The following FAAP100 variants were observed in gnomAD, a reference collection of about 807,000 sequenced individuals.
The protein encoded by FAAP100 is FA core complex associated protein 100.
In FAAP100, 46 loss-of-function variants were observed where a neutral mutation model predicts 65.8. The observed-to-expected ratio is 0.70, with a 90% CI of 0.55 to 0.89. FAAP100 has a LOEUF of 0.89. FAAP100 is among the 40% of genes least tolerant of loss of function. The pLI, the probability that FAAP100 is intolerant of heterozygous loss-of-function variation, is 0.00. For missense variants in FAAP100, 1,165 were observed against 1,196.7 expected, an observed-to-expected ratio of 0.97 and a Z score of 0.39; for synonymous variants, 663 against 555.1, an observed-to-expected ratio of 1.19 and a Z score of -2.73.
intron 3 of FAAP100, 138 bp from the exon 4 acceptor site, chr17:81,549,500 C>G: frequency 8.8e-7 from 1 of 1,138,036 alleles, no homozygotes; most frequent in Non-Finnish European, 1.2e-6. Flanking sequence ...GAGAAAGTCC[C>G]AAGGCAAATG....
chr17:81,550,378 A>G lies in FAAP100; in HGVS notation c.1116T>C (p.Ser372=). 6.2e-7 allele frequency: 1 copy of G among 1,612,678 alleles called. No individual in the cohort carries two copies. Among genetic ancestry groups the G allele is most frequent in the East Asian group, 2.2e-5 (1 of 44,870 alleles). ...CAGGGCCCAGCGGGGTGCTTCCCCG[A>G]GACAGATCCACCACACAGAGGTCAG... ...TPSDLCVVDL[S]RGSTPLGPEQ... The change falls in exon 3 of 9, where the codon TCT becomes TCC. Residue 372 remains serine (S), a synonymous_variant. Transcript: ENST00000327787.
At chr17:81,545,631 G>A (rs2033271207) in intron 6 of FAAP100, 115 bp downstream of exon 6, 2 of 1,367,688 alleles carry the variant, frequency 1.5e-6, no homozygotes, top group Non-Finnish European at 2.0e-6. Flanking sequence ...CGGGAAGCTT[G>A]GGAAAAGGCT....
At position 81,547,656 on chromosome 17, in the gene FAAP100, C is replaced by A; in HGVS notation, c.1426G>T (p.Val476Phe). The A allele has an allele frequency of 6.2e-7, 1 of 1,610,718 alleles. No homozygotes were observed. The highest frequency in any genetic ancestry group is 2.2e-5 in the East Asian group (1 of 44,818). ...SERVSFLKKA[V>F]DQRNKALTSL... ...GTCAGTGCCTTGTTCCGCTGGTCAACCGCCTTCTTTAGAAAAGACACTCTG... is the reference window on the plus strand; with the variant it reads ...GTCAGTGCCTTGTTCCGCTGGTCAAACGCCTTCTTTAGAAAAGACACTCTG... The change falls in exon 5 of 9, where the codon GTT becomes TTT. Residue 476 changes from valine (V) to phenylalanine (F), a missense_variant. By Grantham distance (50) the Val-to-Phe change is conservative. Transcript: ENST00000327787.
At position 81,547,495 on chromosome 17, in the gene FAAP100, T is replaced by C. The variant is rs1265390223; in HGVS notation, c.1587A>G (p.Leu529=). Residue 529 remains leucine (L), a synonymous_variant, in exon 5 of 9, where the codon CTA becomes CTG. Transcript: ENST00000327787. The stretch of plus-strand genomic sequence containing the variant: ...CCAGGCTGAAGCTGCTGCTGTTCTC[T>C]AGCACGCAGGTGGCCATGAGCACAT... ...TQDVLMATCV[L]ENSSSFSLDQ... is the part of the protein sequence containing the mutation. The C allele has an allele frequency of 1.2e-5, 19 of 1,613,254 alleles. No homozygotes were observed. The highest frequency in any genetic ancestry group is 1.6e-5 in the Non-Finnish European group (19 of 1,180,008).
Position 81,544,078 on chromosome 17 carries a change from C to T in FAAP100, c.2353G>A (p.Val785Met), listed in dbSNP as rs775175481. 1.1e-5 allele frequency: 17 copies of T among 1,612,540 alleles called. No homozygotes were observed. The highest frequency in any genetic ancestry group is 5.3e-5 in the African/African-American group (4 of 74,938). ...GAGGAGCTTTCCACTTGAATCTCCACGGCCTGGATGGGCCCTGCTGGGCAC... is the reference window on the plus strand; with the variant it reads ...GAGGAGCTTTCCACTTGAATCTCCATGGCCTGGATGGGCCCTGCTGGGCAC... The part of the protein sequence containing the change: ...DLCPAGPIQA[V>M]EIQVESSSLA... Residue 785 changes from valine to methionine, a missense_variant, in exon 7 of 9, where the codon GTG (valine) becomes ATG (methionine). Physicochemically the swap from Val to Met is conservative, Grantham distance 21 (BLOSUM62 1). Coordinates refer to ENST00000327787, the MANE Select transcript of FAAP100 (RefSeq NM_025161.6).
intron 6 of FAAP100, among the ~76,000 whole-genome samples, chr17:81,544,595 G>A (rs931159052): frequency 3.3e-5 from 5 of 152,216 alleles, no homozygotes; most frequent in Admixed American, 3.3e-4. Flanking sequence ...CCTATCTATG[G>A]GACACCCACC....
chr17:81,542,813 C>T (rs1299938304), intron 7 of FAAP100, among the ~76,000 whole-genome samples: 1 of 152,244 alleles, frequency 6.6e-6, no homozygotes, highest in Non-Finnish European at 1.5e-5. Flanking sequence ...AAAGGGATAT[C>T]TGGACACAAA....
At position 81,540,657 on chromosome 17, in the gene FAAP100, C is replaced by A. The variant is rs1398211729; in HGVS notation, c.*162G>T. 1 of 970,164 alleles carries A rather than the reference C, an allele frequency of 1.0e-6. No homozygotes were observed. Among genetic ancestry groups the A allele is most frequent in the South Asian group, 2.4e-5 (1 of 42,232 alleles). The allele number at this position is 970,164 out of a possible 1,614,324, so 60.1% of individuals were successfully genotyped here. The stretch of plus-strand genomic sequence containing the variant: ...TCAGAATCTGCTTTGTGCTCCACGG[C>A]CTCCAAGCACTTTCATGAGCGTTCT... On this transcript the variant is annotated 3_prime_UTR_variant, in exon 9 of 9. Transcript: ENST00000327787.
At chr17:81,542,044 G>A (rs1295850225) in intron 7 of FAAP100, among the ~76,000 whole-genome samples, 1 of 149,512 alleles carries the variant, frequency 6.7e-6, no homozygotes, top group Admixed American at 6.6e-5. Context: ...GCGGGCGCCT[G>A]TAGTCCCAGC....
chr17:81,548,957 G>T (rs565061611), intron 4 of FAAP100, among the ~76,000 whole-genome samples: 1 of 145,044 alleles, frequency 6.9e-6, no homozygotes, highest in South Asian at 2.2e-4. Context: ...GAAGAATGGC[G>T]TGAACCCGGG....
chr17:81,543,356 G>A (rs530237299), intron 7 of FAAP100, among the ~76,000 whole-genome samples: 17 of 152,296 alleles, frequency 1.1e-4, no homozygotes, highest in East Asian at 3.9e-4. Context: ...TTCTAGGGTC[G>A]CTGCAGACCC....
In FAAP100 at chr17:81,547,694, A is replaced by G. The variant is rs1195834556; in HGVS notation, c.1404-16T>C. ...AAAAGACACTCTGCGAAGGACAGACATGACCCCCGGGAGCGGGGGGACACC... is the reference window on the plus strand; with the variant it reads ...AAAAGACACTCTGCGAAGGACAGACGTGACCCCCGGGAGCGGGGGGACACC... On this transcript the variant is annotated splice_polypyrimidine_tract_variant and intron_variant, in intron 4 of 8. Transcript: ENST00000327787. 1.2e-6 allele frequency: 2 copies of G among 1,606,864 alleles called. No individual in the cohort carries two copies. Among genetic ancestry groups the G allele is most frequent in the African/African-American group, 1.3e-5 (1 of 74,856 alleles).
intron 7 of FAAP100, 27 bp from the exon 8 acceptor site, chr17:81,541,422 G>A (rs1261808455): frequency 6.4e-7 from 1 of 1,571,114 alleles, no homozygotes; most frequent in Non-Finnish European, 8.7e-7. Context: ...ACATGCTGGA[G>A]AGGGTGTGCC....
At chr17:81,552,572 C>G (rs1302649228), upstream of FAAP100, among the ~76,000 whole-genome samples, 1 of 152,168 alleles carries the variant, frequency 6.6e-6, no homozygotes. Context: ...CGAGGTTGAC[C>G]CGGCCGGGCT....
chr17:81,540,928 G>A lies in FAAP100; in HGVS notation c.2537C>T (p.Thr846Ile), dbSNP rs1364090516. 6.3e-7 allele frequency: 1 copy of A among 1,590,458 alleles called. No individual in the cohort carries two copies. The highest frequency in any genetic ancestry group is 8.5e-7 in the Non-Finnish European group (1 of 1,172,200). The change falls in exon 9 of 9, where the codon ACC (threonine) becomes ATC (isoleucine). Residue 846 changes from threonine (T) to isoleucine (I), a missense_variant. Thr to Ile is a moderately conservative substitution (Grantham distance 89). Coordinates refer to ENST00000327787, the MANE Select transcript of FAAP100 (RefSeq NM_025161.6). ...CTCCGTGCAGAGCCGGTCGCGCAGG[G>A]TCTGCACCTCCCGCAGCAGTGTCTG... ...NHETLLREVQTLRDRLCTEDE... is the reference protein window; with the variant it reads ...NHETLLREVQILRDRLCTEDE...
intron 7 of FAAP100, 130 bp downstream of exon 7, chr17:81,543,874 G>C (rs907790116): frequency 1.2e-6 from 1 of 831,968 alleles, no homozygotes; most frequent in Non-Finnish European, 1.9e-6. Flanking sequence ...CGGCAGAGCA[G>C]ACTTGGATCT....
chr17:81,547,777 C>A (rs765869314), intron 4 of FAAP100, 99 bp from the exon 5 acceptor site: 1 of 1,413,416 alleles, frequency 7.1e-7, no homozygotes, highest in East Asian at 2.3e-5. Context: ...CCTGGCTCCA[C>A]GACAAGCACA....
intron 8 of FAAP100, 115 bp from the exon 9 acceptor site, chr17:81,541,065 G>A (rs1426045012): frequency 9.7e-6 from 13 of 1,335,138 alleles, no homozygotes; most frequent in African/African-American, 2.9e-5. Context: ...CAGGTGGTCC[G>A]AGGAAGAACA....
At chr17:81,541,061 G>A in intron 8 of FAAP100, 111 bp from the exon 9 acceptor site, 2 of 1,357,388 alleles carry the variant, frequency 1.5e-6, no homozygotes, top group Non-Finnish European at 9.8e-7. Flanking sequence ...GTGGCAGGTG[G>A]TCCGAGGAAG....
Sources: gnomAD v4.1 joint callset for allele counts (sites outside exome capture counted in the v4.1 genomes callset) on GRCh38, gnomAD v4.1.1 for gene constraint, MANE v1.5 for transcripts, NCBI Gene and HGNC (gene_info 2026-07-23, HGNC 2026-07-21) for gene names.